The following PADI6 variants were observed in gnomAD, a reference collection of about 807,000 sequenced individuals.
PADI6 encodes peptidyl arginine deiminase 6.
A neutral mutation model predicts 78.2 loss-of-function variants in PADI6; 66 were observed. The ratio of observed to expected loss-of-function variants is 0.84; its 90% CI spans 0.69 to 1.04. The LOEUF is 1.04. Among genes scored for constraint, PADI6 ranks in the 50% least tolerant of loss-of-function variants. The pLI, the probability that PADI6 is intolerant of heterozygous loss-of-function variation, is 0.00. For synonymous variants in PADI6, 397 were observed against 346.9 expected (o/e 1.14, Z -1.60); for missense variants, 854 against 866.1 (o/e 0.99, Z 0.18).
intron 14 of PADI6, 36 bp downstream of exon 14, chr1:17,397,177 G>A (rs867399682): frequency 3.1e-6 from 5 of 1,609,908 alleles, no homozygotes; most frequent in African/African-American, 2.7e-5. Context: ...CCCCAAGAAA[G>A]AGCTGGTGCC....
chr1:17,392,323 A>G (rs536225740), intron 9 of PADI6, 98 bp downstream of exon 9: 8 of 906,950 alleles, frequency 8.8e-6, no homozygotes, highest in Admixed American at 4.9e-5. Context: ...TTAACCTTAA[A>G]GACCGAAGCC....
intron 6 of PADI6, 25 bp from the exon 7 acceptor site, chr1:17,388,356 G>T (rs1482346219): frequency 1.3e-6 from 2 of 1,586,930 alleles, no homozygotes; most frequent in African/African-American, 1.3e-5. Flanking sequence ...TTCAGTGGCT[G>T]GTCCATCCCT....
rs759328284 is a variant in PADI6 at position 17,392,129 on chromosome 1, G to T, written c.978G>T (p.Gln326His). ...CCCATGGCAGGGAGCTGCAGCTGCA[G>T]GGTTTTGTGGACACAGTGACGAAGC... is the stretch of plus-strand genomic sequence containing the variant. ...EVYLCRELQL[Q>H]GFVDTVTKLS... The change falls in exon 9 of 16, where the codon CAG (glutamine) becomes CAT (histidine). Residue 326 changes from glutamine to histidine, a missense_variant. By Grantham distance (24) the Gln-to-His change is conservative. Coordinates refer to ENST00000619609, the MANE Select transcript of PADI6 (RefSeq NM_207421.4). The T allele has an allele frequency of 1.3e-6, 2 of 1,558,034 alleles. No individual in the cohort carries two copies. Among genetic ancestry groups the T allele is most frequent in the Admixed American group, 1.9e-5 (1 of 51,588 alleles).
Position 17,395,090 on chromosome 1 carries a change from A to G in PADI6, c.1477A>G (p.Lys493Glu), listed in dbSNP as rs2075232368. The change falls in exon 12 of 16, where the codon AAG becomes GAG. Residue 493 changes from lysine to glutamate, a missense_variant. By Grantham distance (56) the Lys-to-Glu change is moderately conservative. Coordinates refer to ENST00000619609, the MANE Select transcript of PADI6 (RefSeq NM_207421.4). ...EFMCFIPTDDKNEGKKGFLLL... is the reference protein window; with the variant it reads ...EFMCFIPTDDENEGKKGFLLL... ...CATGTGCTTCATCCCCACAGATGAC[A>G]AGAATGAGGGCAAAAAGGTCTGCTT... 2 of 1,613,816 alleles carry G rather than the reference A, an allele frequency of 1.2e-6. No individual in the cohort carries two copies. The highest frequency in any genetic ancestry group is 2.7e-5 in the African/African-American group (2 of 74,922).
In PADI6 at chr1:17,388,483, C is replaced by T. The variant is rs1239851129; in HGVS notation, c.782C>T (p.Ala261Val). ...NHLKETFYVE[A>V]IAFPSAEFSG... ...TTGAAGGAGACTTTCTACGTTGAAG[C>T]TATAGCATTCCCATCTGCCGAATTC... Residue 261 changes from alanine (A) to valine (V), a missense_variant, in exon 7 of 16, where the codon GCT (alanine) becomes GTT (valine). Coordinates refer to ENST00000619609, the MANE Select transcript of PADI6 (RefSeq NM_207421.4). The T allele has an allele frequency of 6.2e-7, 1 of 1,613,576 alleles. No individual in the cohort carries two copies. Among genetic ancestry groups the T allele is most frequent in the East Asian group, 2.2e-5 (1 of 44,894 alleles).
intron 3 of PADI6, among the ~76,000 whole-genome samples, chr1:17,377,494 G>C (rs556663391): frequency 8.2e-4 from 125 of 152,234 alleles, no homozygotes; most frequent in African/African-American, 3.0e-3. Flanking sequence ...CCACAAACCC[G>C]ACTTGGATAT....
chr1:17,380,351 A>G (rs1435225984), intron 4 of PADI6, among the ~76,000 whole-genome samples: 1 of 151,902 alleles, frequency 6.6e-6, no homozygotes, highest in Admixed American at 6.6e-5. Context: ...CTGGGGTTAC[A>G]AGCGTGTGCC....
Position 17,395,562 on chromosome 1 carries a change from G to A in PADI6, c.1517G>A (p.Ser506Asn). 1 of 1,560,802 alleles carries A rather than the reference G, an allele frequency of 6.4e-7. No homozygotes were observed. Among genetic ancestry groups the A allele is most frequent in the Non-Finnish European group, 8.7e-7 (1 of 1,151,860 alleles). Residue 506 changes from serine to asparagine, a missense_variant, in exon 13 of 16, where the codon AGC becomes AAC. Physicochemically the swap from Ser to Asn is conservative, Grantham distance 46. Coordinates refer to ENST00000619609, the MANE Select transcript of PADI6 (RefSeq NM_207421.4). ...GKKGFLLLLASPSACYKLFRE... is the reference protein window; with the variant it reads ...GKKGFLLLLANPSACYKLFRE... ...CAGGGCTTCCTGCTGCTCCTGGCCA[G>A]CCCCAGTGCCTGCTATAAACTGTTC...
chr1:17,389,659 C>T (rs968239458), intron 8 of PADI6, among the ~76,000 whole-genome samples: 1 of 152,158 alleles, frequency 6.6e-6, no homozygotes. Context: ...TAGCCACATG[C>T]CTAGGGAGAA....
intron 7 of PADI6, 57 bp downstream of exon 7, chr1:17,388,616 C>T (rs971244193): frequency 3.3e-6 from 5 of 1,504,706 alleles, no homozygotes; most frequent in African/African-American, 2.8e-5. Context: ...GGGGAAAAGC[C>T]ATCTCCCACA....
chr1:17,382,546 CCCAGCCACCACG>C (rs1553152688), intron 6 of PADI6, among the ~76,000 whole-genome samples: 1 of 152,186 alleles, frequency 6.6e-6, no homozygotes, highest in South Asian at 2.1e-4. Flanking sequence ...GCACCTGCAT[CCCAGCCACCACG>C]CCATCCACCA....
At chr1:17,388,963 A>G in intron 8 of PADI6, 83 bp downstream of exon 8, 8 of 1,117,200 alleles carry the variant, frequency 7.2e-6, no homozygotes, top group Non-Finnish European at 1.0e-5. Context: ...AGGGTGGGTG[A>G]AGATGACTAG....
At chr1:17,384,778 A>G (rs2075104326) in intron 6 of PADI6, among the ~76,000 whole-genome samples, 2 of 152,242 alleles carry the variant, frequency 1.3e-5, no homozygotes, top group Admixed American at 6.5e-5. Context: ...GCCCAAGCCC[A>G]TAGTAAAGTC....
At chr1:17,399,190 C>T (rs1338428978) in intron 15 of PADI6, among the ~76,000 whole-genome samples, 1 of 152,188 alleles carries the variant, frequency 6.6e-6, no homozygotes. Context: ...GAGGTTGCCG[C>T]GCATCTGCCA....
intron 14 of PADI6, 38 bp from the exon 15 acceptor site, chr1:17,398,648 T>TCCCCTGCCCC: frequency 1.0e-5 from 2 of 193,328 alleles, no homozygotes; most frequent in Non-Finnish European, 1.8e-5. Flanking sequence ...CTCTCCTTGC[T>TCCCCTGCCCC]CCCCCGCCCC....
intron 6 of PADI6, among the ~76,000 whole-genome samples, chr1:17,387,166 G>A (rs940304555): frequency 6.6e-6 from 1 of 152,170 alleles, no homozygotes; most frequent in African/African-American, 2.4e-5. Flanking sequence ...GACTTGGGCT[G>A]GGCACAGTGG....
At chr1:17,391,913 AG>A (rs1435510968) in intron 8 of PADI6, among the ~76,000 whole-genome samples, 200 bp from the exon 9 acceptor site, 2 of 152,354 alleles carry the variant, frequency 1.3e-5, no homozygotes, top group Admixed American at 1.3e-4. Flanking sequence ...CCATGGGCAA[AG>A]CTGAGTAGTG....
chr1:17,374,366 C>T (rs564649257), intron 2 of PADI6, among the ~76,000 whole-genome samples: 15 of 152,226 alleles, frequency 9.9e-5, no homozygotes, highest in African/African-American at 3.4e-4. Flanking sequence ...TGGCTCATGC[C>T]TGTAATCCCA....
intron 8 of PADI6, 126 bp from the exon 9 acceptor site, chr1:17,391,988 C>A (rs1184432797): frequency 2.9e-5 from 22 of 747,824 alleles, no homozygotes; most frequent in Non-Finnish European, 3.1e-5. Context: ...CTCTGTCGAC[C>A]TCACGGGCAG....
Sources: allele counts gnomAD v4.1 joint callset (sites outside exome capture counted in the v4.1 genomes callset), GRCh38; gene constraint gnomAD v4.1.1; transcripts MANE v1.5; gene names NCBI Gene and HGNC (gene_info 2026-07-23, HGNC 2026-07-21).